Variants in FAM120AOS observed in about 807,000 individuals in gnomAD.
FAM120AOS encodes the protein uncharacterized protein FAM120AOS.
A neutral mutation model predicts 20.2 loss-of-function variants in FAM120AOS; 15 were observed. The ratio of observed to expected loss-of-function variants is 0.74; its 90% CI spans 0.50 to 1.15. FAM120AOS has a LOEUF of 1.15. FAM120AOS is among the 50% of genes most tolerant of loss of function. The pLI, the probability that FAM120AOS is intolerant of heterozygous loss-of-function variation, is 0.00. For missense variants in FAM120AOS, 327 were observed against 351.9 expected (o/e 0.93, Z 0.57); for synonymous variants, 154 against 154.0 (o/e 1.00, Z 0.00).
At chr9:93,451,696 AGCGGCGGCAGCGGCG>A (rs942597047) in intron 1 of FAM120AOS, 119 of 964,790 alleles carry the variant, frequency 1.2e-4, no homozygotes, top group African/African-American at 6.1e-4. Flanking sequence ...TCGGCCTCGC[AGCGGCGGCAGCGGCG>A]GCGGCGGCAG....
chr9:93,447,759 A>G (rs1856908299), intron 2 of FAM120AOS, 62 bp from the exon 3 acceptor site: 1 of 1,441,512 alleles, frequency 6.9e-7, no homozygotes, highest in South Asian at 1.2e-5. Context: ...GTATTTTGTC[A>G]TGGTCTCCAG....
chr9:93,452,539 C>A lies in FAM120AOS; in HGVS notation c.171G>T (p.Gln57His), dbSNP rs769075234. 2 of 1,570,964 alleles carry A rather than the reference C, an allele frequency of 1.3e-6. No individual in the cohort carries two copies. Among genetic ancestry groups the A allele is most frequent in the South Asian group, 1.1e-5 (1 of 89,112 alleles). Reference sequence around the variant, plus strand: ...CCCGGGATAGCCTGGCCGGGCCGGGCTGCAAGATGGATGGCCGCGGGTGCA... The same window carrying A: ...CCCGGGATAGCCTGGCCGGGCCGGGATGCAAGATGGATGGCCGCGGGTGCA... The part of the protein sequence containing the change: ...RGLHPRPSIL[Q>H]PGPARLSRAR... The change falls in exon 1 of 3, where the codon CAG becomes CAT. Residue 57 changes from glutamine (Q) to histidine (H), a missense_variant. Gln to His is a conservative substitution (Grantham distance 24, BLOSUM62 0). Around this residue, in one of 3 missense-constraint regions of FAM120AOS, gnomAD observed 155 missense variants for 128.8 expected, o/e 1.20. Coordinates refer to ENST00000375412, the MANE Select transcript of FAM120AOS (RefSeq NM_198841.4). This position sits in a 1 kb window ranked among gnomAD's most constrained non-coding sequence, Gnocchi z 7.0.
At position 93,453,375 on chromosome 9, in the gene FAM120AOS, C is replaced by T; in HGVS notation, c.-666G>A. The stretch of plus-strand genomic sequence containing the variant: ...TGTGAAGATAAGCACATCCATGATC[C>T]TGGACTTCACGTTCTGATTGCTTGC... On this transcript the variant is annotated 5_prime_UTR_variant, in exon 1 of 3. Transcript: ENST00000375412. 1 of 985,496 alleles carries T rather than the reference C, an allele frequency of 1.0e-6. No homozygotes were observed. Among genetic ancestry groups the T allele is most frequent in the African/African-American group, 1.7e-5 (1 of 57,356 alleles). 61.0% of individuals were successfully genotyped at this position (985,496 alleles called of 1,614,324 possible). A position where few individuals can be genotyped will look rare whatever the true frequency, so the allele number is the denominator to read the frequency against.
Position 93,452,919 on chromosome 9 carries a change from G to A in FAM120AOS, c.-210C>T. On this transcript the variant is annotated 5_prime_UTR_variant, in exon 1 of 3. Coordinates refer to ENST00000375412, the MANE Select transcript of FAM120AOS (RefSeq NM_198841.4). This position sits in a 1 kb window ranked among gnomAD's most constrained non-coding sequence, Gnocchi z 7.0. The stretch of plus-strand genomic sequence containing the variant: ...CCAATGTTGTTAGCCCGGTGACAGC[G>A]AGACGTGTCTAAGGGCCAGTGCCCT... The A allele has an allele frequency of 3.5e-6, 5 of 1,428,136 alleles. No homozygotes were observed. Among genetic ancestry groups the A allele is most frequent in the Non-Finnish European group, 9.1e-7 (1 of 1,098,302 alleles). 88.5% of individuals were successfully genotyped at this position (1,428,136 alleles called of 1,614,324 possible).
intron 1 of FAM120AOS, chr9:93,451,225 T>TAGAAAGGCGGCGTC (rs1335138613): frequency 2.9e-5 from 45 of 1,525,552 alleles, no homozygotes; most frequent in Non-Finnish European, 4.4e-6. Context: ...ACGGCGGCGT[T>TAGAAAGGCGGCGTC]AGAAAGGCGG....
rs1482390865 is a variant in FAM120AOS at position 93,447,038 on chromosome 9, G to A, written c.*573C>T. The A allele has an allele frequency of 6.5e-6, 1 of 152,750 alleles. No homozygotes were observed. The highest frequency in any genetic ancestry group is 2.4e-5 in the African/African-American group (1 of 41,436). 9.5% of individuals were successfully genotyped at this position (152,750 alleles called of 1,614,324 possible). A position where few individuals can be genotyped will look rare whatever the true frequency, so the allele number is the denominator to read the frequency against. ...AAGAGGGCTGAGAACTGCTGAAAGT[G>A]AAGCTGTTTATAAATGGTACAGTCA... On this transcript the variant is annotated 3_prime_UTR_variant, in exon 3 of 3. Coordinates refer to ENST00000375412, the MANE Select transcript of FAM120AOS (RefSeq NM_198841.4).
chr9:93,453,316 G>T lies in FAM120AOS; in HGVS notation c.-607C>A. 2.0e-6 allele frequency: 2 copies of T among 986,684 alleles called. No individual in the cohort carries two copies. Among genetic ancestry groups the T allele is most frequent in the Non-Finnish European group, 2.4e-6 (2 of 830,794 alleles). 61.1% of individuals were successfully genotyped at this position (986,684 alleles called of 1,614,324 possible). Reference sequence around the variant, plus strand: ...GGCAGAGGGCTTCGCAGCTGGCACTGGGCCAGAGGAGAACTTCAGGACCCA... The same window carrying T: ...GGCAGAGGGCTTCGCAGCTGGCACTTGGCCAGAGGAGAACTTCAGGACCCA... On this transcript the variant is annotated 5_prime_UTR_variant, in exon 1 of 3. Coordinates refer to ENST00000375412, the MANE Select transcript of FAM120AOS (RefSeq NM_198841.4).
At position 93,447,557 on chromosome 9, in the gene FAM120AOS, ATCAGGGTGGTT is replaced by A. The variant is rs1856895033; in HGVS notation, c.*43_*53del. ...GAGCATTTTCCCTCACACGATGGGT[ATCAGGGTGGTT>A]TCTTGTCCTTTCAATGCCTCTGCAG... On this transcript the variant is annotated 3_prime_UTR_variant, in exon 3 of 3. Coordinates refer to ENST00000375412, the MANE Select transcript of FAM120AOS (RefSeq NM_198841.4). 21 of 1,457,056 alleles carry A rather than the reference ATCAGGGTGGTT, an allele frequency of 1.4e-5. No individual in the cohort carries two copies. Among genetic ancestry groups the A allele is most frequent in the South Asian group, 3.4e-5 (3 of 87,314 alleles). 90.3% of individuals were successfully genotyped at this position (1,457,056 alleles called of 1,614,324 possible).
In FAM120AOS at chr9:93,447,509, C is replaced by T; in HGVS notation, c.*102G>A. The T allele has an allele frequency of 2.8e-6, 3 of 1,072,966 alleles. No individual in the cohort carries two copies. Among genetic ancestry groups the T allele is most frequent in the South Asian group, 2.8e-5 (2 of 72,674 alleles). The allele number at this position is 1,072,966 out of a possible 1,614,324, so 66.5% of individuals were successfully genotyped here. Reference sequence around the variant, plus strand: ...ATAGAGAGAACTCTGAAACCAGAAGCAGAAGCTGAGGAATGGTGAATAGAG... The same window carrying T: ...ATAGAGAGAACTCTGAAACCAGAAGTAGAAGCTGAGGAATGGTGAATAGAG... On this transcript the variant is annotated 3_prime_UTR_variant, in exon 3 of 3. Transcript: ENST00000375412.
Position 93,452,043 on chromosome 9 carries a change from C to T in FAM120AOS, c.563+104G>A, listed in dbSNP as rs1857254834. 6.3e-7 allele frequency: 1 copy of T among 1,576,170 alleles called. No individual in the cohort carries two copies. Among genetic ancestry groups the T allele is most frequent in the Non-Finnish European group, 8.6e-7 (1 of 1,161,654 alleles). ...GGGCGGCAGCGGCCCCCGCAGACCCCGCTGCGCCTGCTGGTGGACGCCGAC... is the reference window on the plus strand; with the variant it reads ...GGGCGGCAGCGGCCCCCGCAGACCCTGCTGCGCCTGCTGGTGGACGCCGAC... On this transcript the variant is annotated intron_variant, in intron 1 of 2. Transcript: ENST00000375412. This position sits in a 1 kb window ranked among gnomAD's most constrained non-coding sequence, Gnocchi z 7.0.
intron 2 of FAM120AOS, chr9:93,448,440 C>G: frequency 4.4e-6 from 1 of 227,826 alleles, no homozygotes; most frequent in Admixed American, 5.1e-5. Flanking sequence ...TTGCAGTGAG[C>G]TGAGAACACA....
chr9:93,445,761 G>C lies in FAM120AOS; in HGVS notation c.*1850C>G, dbSNP rs891565379. Among the ~76,000 whole-genome samples the C allele has an allele frequency of 6.6e-6, 1 of 151,562 alleles. No homozygotes were observed. ...GCACACCTCACCTGGCTAATTTTTG[G>C]ATTTTTTGTAGACAATGGGTTTCAT... On this transcript the variant is annotated 3_prime_UTR_variant, in exon 3 of 3. Transcript: ENST00000375412.
Position 93,452,335 on chromosome 9 carries a change from G to T in FAM120AOS, c.375C>A (p.Gly125=), listed in dbSNP as rs1037874200. 1 of 1,612,906 alleles carries T rather than the reference G, an allele frequency of 6.2e-7. No homozygotes were observed. Among genetic ancestry groups the T allele is most frequent in the South Asian group, 1.1e-5 (1 of 91,026 alleles). ...ARRMQWAMQT[G]GRNQTFGGGV... ...CGCCGCCAAAGGTCTGGTTCCTGCC[G>T]CCCGTCTGCATGGCCCACTGCATCC... Residue 125 remains glycine, a synonymous_variant, in exon 1 of 3, where the codon GGC becomes GGA. Coordinates refer to ENST00000375412, the MANE Select transcript of FAM120AOS (RefSeq NM_198841.4). The surrounding 1 kb of genome is among the most constrained non-coding windows in gnomAD (Gnocchi z 7.0).
In FAM120AOS at chr9:93,445,806, T is replaced by C. The variant is rs979695889; in HGVS notation, c.*1805A>G. On this transcript the variant is annotated 3_prime_UTR_variant, in exon 3 of 3. Transcript: ENST00000375412. Reference sequence around the variant, plus strand: ...TTTCATCATGTTGCCTCAAGAAAAATAACATCATGGTAATACTAAGTCTTT... The same window carrying C: ...TTTCATCATGTTGCCTCAAGAAAAACAACATCATGGTAATACTAAGTCTTT... 1.3e-5 allele frequency among the ~76,000 whole-genome samples: 2 copies of C among 152,064 alleles called. No individual in the cohort carries two copies. Among genetic ancestry groups the C allele is most frequent in the Non-Finnish European group, 2.9e-5 (2 of 67,994 alleles).
rs929547327 is a variant in FAM120AOS, at chr9:93,453,088, G to T, written c.-379C>A. ...GATTTTGTCAGTTCTGTGACTTCAC[G>T]TCCGTGTGAAAGAGGTCTTTAAGGC... On this transcript the variant is annotated 5_prime_UTR_variant, in exon 1 of 3. Coordinates refer to ENST00000375412, the MANE Select transcript of FAM120AOS (RefSeq NM_198841.4). 4.1e-5 allele frequency: 44 copies of T among 1,064,044 alleles called. No homozygotes were observed. The highest frequency in any genetic ancestry group is 5.5e-5 in the Admixed American group (1 of 18,064). 65.9% of individuals were successfully genotyped at this position (1,064,044 alleles called of 1,614,324 possible).
Position 93,453,022 on chromosome 9 carries a change from T to C in FAM120AOS, c.-313A>G. ...GTTTAGAGAATCTTTCTATGGCTTT[T>C]TGTGTTAGATTTCAAAGACCCGTGC... On this transcript the variant is annotated 5_prime_UTR_variant, in exon 1 of 3. Transcript: ENST00000375412. 1 of 1,173,020 alleles carries C rather than the reference T, an allele frequency of 8.5e-7. No homozygotes were observed. The highest frequency in any genetic ancestry group is 1.1e-6 in the Non-Finnish European group (1 of 947,092). The allele number at this position is 1,173,020 out of a possible 1,614,324, so 72.7% of individuals were successfully genotyped here.
intron 2 of FAM120AOS, among the ~76,000 whole-genome samples, chr9:93,449,183 C>T (rs1856980483): frequency 4.0e-5 from 6 of 151,672 alleles, no homozygotes; most frequent in Admixed American, 1.3e-4. Context: ...TCTATGTTCT[C>T]GAGTATAAGT....
At chr9:93,451,160 G>A (rs374281090) in intron 1 of FAM120AOS, 1 of 1,550,104 alleles carries the variant, frequency 6.5e-7, no homozygotes, top group Non-Finnish European at 8.7e-7. Context: ...CCAGCATCCC[G>A]CTCTCCCGGA....
Position 93,452,407 on chromosome 9 carries a change from G to A in FAM120AOS, c.303C>T (p.Ala101=). The A allele has an allele frequency of 3.1e-6, 5 of 1,591,048 alleles. No individual in the cohort carries two copies. Among genetic ancestry groups the A allele is most frequent in the Non-Finnish European group, 4.3e-6 (5 of 1,169,872 alleles). The part of the protein sequence containing the change: ...GVRRGPGPRP[A]RIPGLTLTWK... ...ACGTCAAGGTGAGGCCGGGGATCCGGGCGGGCCGGGGACCGGGGCCGCGCC... is the reference window on the plus strand; with the variant it reads ...ACGTCAAGGTGAGGCCGGGGATCCGAGCGGGCCGGGGACCGGGGCCGCGCC... Residue 101 remains alanine (A), a synonymous_variant, in exon 1 of 3, where the codon GCC becomes GCT. Transcript: ENST00000375412. This position sits in a 1 kb window ranked among gnomAD's most constrained non-coding sequence, Gnocchi z 7.0.
Sources: allele counts gnomAD v4.1 joint callset (sites outside exome capture counted in the v4.1 genomes callset), GRCh38; gene constraint gnomAD v4.1.1; regional missense constraint gnomAD v4.1.1; non-coding constraint Gnocchi (gnomAD v3.1); transcripts MANE v1.5; gene names NCBI Gene and HGNC (gene_info 2026-07-23, HGNC 2026-07-21).